Variants in HEXD observed in about 807,000 individuals in gnomAD.
HEXD encodes N-acetyl-beta-galactosaminidase.
Under a neutral mutation model 54.2 loss-of-function variants are expected in HEXD, and 47 were observed. That is an observed-to-expected ratio of 0.87 (90% CI 0.69 to 1.11). The LOEUF (loss-of-function observed/expected upper bound fraction) is 1.11, where lower values mean the gene tolerates loss of function less well. HEXD is among the 50% of genes least tolerant of loss of function. The pLI is 0.00. For missense variants in HEXD, 576 were observed against 649.2 expected, an observed-to-expected ratio of 0.89 and a Z score of 1.23; for synonymous variants, 293 against 287.6, an observed-to-expected ratio of 1.02 and a Z score of -0.19.
Position 82,442,398 on chromosome 17 carries a change from G to A in HEXD, c.*14G>A, listed in dbSNP as rs1355960602. 1.9e-6 allele frequency: 3 copies of A among 1,609,228 alleles called. No homozygotes were observed. Among genetic ancestry groups the A allele is most frequent in the African/African-American group, 2.7e-5 (2 of 74,856 alleles). On this transcript the variant is annotated 3_prime_UTR_variant, in exon 13 of 13. Coordinates refer to ENST00000327949, the MANE Select transcript of HEXD (RefSeq NM_001330542.2). This position sits in a 1 kb window ranked among gnomAD's most constrained non-coding sequence, Gnocchi z 6.8. ...CAGGACCCCTGAGGGGAGAGCTCAT[G>A]CCAGGGGGCTCCTGCTGGAGGCTGG...
Position 82,427,526 on chromosome 17 carries a change from CA to C in HEXD, c.195-1031del, listed in dbSNP as rs529166168. 1.7e-4 allele frequency among the ~76,000 whole-genome samples: 26 copies of C among 152,116 alleles called. No individual in the cohort carries two copies. The South Asian group carries it at 5.4e-3, about 32-fold the overall frequency. The stretch of plus-strand genomic sequence containing the variant: ...GGGTGTTGGCCTGCAATGAGATAAT[CA>C]GGTGCGATGAGATGATCAGGTGCGA... On this transcript the variant is annotated intron_variant, in intron 3 of 12. Coordinates refer to ENST00000327949, the MANE Select transcript of HEXD (RefSeq NM_001330542.2).
chr17:82,439,665 C>A lies in HEXD; in HGVS notation c.934C>A (p.Pro312Thr). 1 of 1,595,786 alleles carries A rather than the reference C, an allele frequency of 6.3e-7. No individual in the cohort carries two copies. Reference protein sequence around the residue: ...DHYSVLCELLPAGVPSLAACL... With the variant: ...DHYSVLCELLTAGVPSLAACL... ...CTACTCTGTGCTGTGCGAGCTGCTGCCCGCAGGAGTCCCGTCCCTGGCCGC... is the reference window on the plus strand; with the variant it reads ...CTACTCTGTGCTGTGCGAGCTGCTGACCGCAGGAGTCCCGTCCCTGGCCGC... The change falls in exon 9 of 13, where the codon CCC becomes ACC. Residue 312 changes from proline (P) to threonine (T), a missense_variant. Coordinates refer to ENST00000327949, the MANE Select transcript of HEXD (RefSeq NM_001330542.2).
Position 82,438,600 on chromosome 17 carries a change from C to T in HEXD, c.900-1031C>T, listed in dbSNP as rs1028493286. ...CCGGCCAAGTCCTGACCTTGGGTCTCGTCTCAAGTTAGAGGGTTGGGGGGC... is the reference window on the plus strand; with the variant it reads ...CCGGCCAAGTCCTGACCTTGGGTCTTGTCTCAAGTTAGAGGGTTGGGGGGC... On this transcript the variant is annotated intron_variant, in intron 8 of 12. Coordinates refer to ENST00000327949, the MANE Select transcript of HEXD (RefSeq NM_001330542.2). 2.0e-5 allele frequency among the ~76,000 whole-genome samples: 3 copies of T among 152,262 alleles called. 1 individual carries two copies. Among genetic ancestry groups the T allele is most frequent in the South Asian group, 4.1e-4 (2 of 4,834 alleles).
chr17:82,421,630 A>G (rs2143376242), intron 2 of HEXD, among the ~76,000 whole-genome samples: 1 of 151,888 alleles, frequency 6.6e-6, no homozygotes, highest in South Asian at 2.1e-4. Context: ...GCTTGTGACC[A>G]GCCTGGGCAA....
At chr17:82,421,661 A>G (rs146297990) in intron 2 of HEXD, among the ~76,000 whole-genome samples, 76 of 152,136 alleles carry the variant, frequency 5.0e-4, no homozygotes, top group African/African-American at 1.7e-3. Flanking sequence ...CCCCGTCTCT[A>G]CTAAGAATAC....
chr17:82,431,295 C>CCTATA (rs2053569428), intron 4 of HEXD, among the ~76,000 whole-genome samples: 2 of 152,216 alleles, frequency 1.3e-5, no homozygotes, highest in South Asian at 4.2e-4. Flanking sequence ...TGAGCCATTG[C>CCTATA]ACCTGGCCCC....
In HEXD at chr17:82,441,028, G is replaced by C; in HGVS notation, c.1014G>C (p.Val338=). The C allele has an allele frequency of 6.2e-7, 1 of 1,613,646 alleles. No homozygotes were observed. Among genetic ancestry groups the C allele is most frequent in the Non-Finnish European group, 8.5e-7 (1 of 1,180,010 alleles). ...GGFDEDVKAK[V]ENLLGISSLE... Reference sequence around the variant, plus strand: ...TTGATGAAGATGTTAAAGCGAAAGTGGAGAACCTTCTCGGGATTTCCAGCC... The same window carrying C: ...TTGATGAAGATGTTAAAGCGAAAGTCGAGAACCTTCTCGGGATTTCCAGCC... The change falls in exon 10 of 13, where the codon GTG becomes GTC. Residue 338 remains valine, a synonymous_variant. Transcript: ENST00000327949.
chr17:82,442,525 C>G lies in HEXD; in HGVS notation c.*141C>G. On this transcript the variant is annotated 3_prime_UTR_variant, in exon 13 of 13. Coordinates refer to ENST00000327949, the MANE Select transcript of HEXD (RefSeq NM_001330542.2). The surrounding 1 kb of genome is among the most constrained non-coding windows in gnomAD (Gnocchi z 6.8). ...TGCCCACACTCAGTTCCTGAGGGCCCTGGGCAGCCCCTGGGGGAGAGACTA... is the reference window on the plus strand; with the variant it reads ...TGCCCACACTCAGTTCCTGAGGGCCGTGGGCAGCCCCTGGGGGAGAGACTA... 1 of 1,591,462 alleles carries G rather than the reference C, an allele frequency of 6.3e-7. No homozygotes were observed. Among genetic ancestry groups the G allele is most frequent in the Non-Finnish European group, 8.6e-7 (1 of 1,161,568 alleles).
At chr17:82,440,937 T>C (rs1416762735) in intron 9 of HEXD, 60 bp from the exon 10 acceptor site, 4 of 1,580,872 alleles carry the variant, frequency 2.5e-6, no homozygotes, top group Admixed American at 1.7e-5. Flanking sequence ...CAGGTCCCAA[T>C]GTAGCCCCCT....
chr17:82,441,359 G>GGGTGAGGGGCAGGTGCA lies in HEXD; in HGVS notation c.1163+100_1163+116dup, dbSNP rs1176158165. On this transcript the variant is annotated intron_variant, in intron 11 of 12. Coordinates refer to ENST00000327949, the MANE Select transcript of HEXD (RefSeq NM_001330542.2). ...GCAGGTGTGGGTGGGAGGCAGGTGCGGGTGAGGGGCAGGTGCAGGTGAGCG... is the reference window on the plus strand; with the variant it reads ...GCAGGTGTGGGTGGGAGGCAGGTGCGGGTGAGGGGCAGGTGCAGGTGAGGGGCAGGTGCAGGTGAGCG... 3.8e-5 allele frequency: 53 copies of GGGTGAGGGGCAGGTGCA among 1,381,060 alleles called. No individual in the cohort carries two copies. The African/African-American group carries it at 7.0e-4, about 18-fold the overall frequency. The allele number at this position is 1,381,060 out of a possible 1,614,324, so 85.6% of individuals were successfully genotyped here. A position where few individuals can be genotyped will look rare whatever the true frequency, so the allele number is the denominator to read the frequency against.
chr17:82,432,787 GGT>G (rs1268846423), intron 4 of HEXD, among the ~76,000 whole-genome samples: 27 of 151,910 alleles, frequency 1.8e-4, no homozygotes, highest in South Asian at 4.2e-4. Context: ...TTTATGGCTG[GGT>G]GCAGTGGCTC....
At chr17:82,431,304 C>T (rs1376791802) in intron 4 of HEXD, among the ~76,000 whole-genome samples, 1 of 151,976 alleles carries the variant, frequency 6.6e-6, no homozygotes, top group Non-Finnish European at 1.5e-5. Context: ...GCACCTGGCC[C>T]CATTTTGAGT....
chr17:82,433,120 ATATATATATTTTTTTTTTTTTTT>A lies in HEXD; in HGVS notation c.283-528_283-506del, dbSNP rs1274777299. ...TATATATATATATATATATATATATATATATATATTTTTTTTTTTTTTTTATATATATATTTTTAGTCTGGGCG... is the reference window on the plus strand; with the variant it reads ...TATATATATATATATATATATATATATATATATATATTTTTAGTCTGGGCG... On this transcript the variant is annotated intron_variant, in intron 4 of 12. Coordinates refer to ENST00000327949, the MANE Select transcript of HEXD (RefSeq NM_001330542.2). Among the ~76,000 whole-genome samples the A allele has an allele frequency of 4.1e-3, 74 of 18,180 alleles. 1 individual carries two copies. The highest frequency in any genetic ancestry group is 0.012 in the South Asian group (6 of 514). 11.9% of individuals were successfully genotyped at this position (18,180 alleles called of 152,430 possible).
At chr17:82,424,370 A>G in intron 2 of HEXD, 24 bp from the exon 3 acceptor site, 2 of 1,541,992 alleles carry the variant, frequency 1.3e-6, no homozygotes, top group Non-Finnish European at 9.0e-7. Context: ...ACTTCTTCCT[A>G]ACCCCTCCCT....
At chr17:82,428,736 C>A in intron 4 of HEXD, 91 bp downstream of exon 4, 2 of 1,087,670 alleles carry the variant, frequency 1.8e-6, no homozygotes, top group Non-Finnish European at 2.8e-6. Flanking sequence ...GTGGGTGCAG[C>A]GGGCCCATGG....
intron 4 of HEXD, among the ~76,000 whole-genome samples, chr17:82,430,041 C>CTGA (rs1225836850): frequency 1.3e-5 from 2 of 152,162 alleles, no homozygotes; most frequent in Non-Finnish European, 2.9e-5. Flanking sequence ...CATGTTGGTC[C>CTGA]TGCTGCTGCT....
chr17:82,421,240 G>A (rs1274288942), intron 2 of HEXD, among the ~76,000 whole-genome samples: 1 of 151,898 alleles, frequency 6.6e-6, no homozygotes, highest in Non-Finnish European at 1.5e-5. Context: ...CATCCAGGAG[G>A]GTGCAGGGGA....
intron 4 of HEXD, among the ~76,000 whole-genome samples, chr17:82,433,092 ATATATATATAT>A (rs1357128421): frequency 0.012 from 122 of 10,340 alleles, 17 homozygotes; most frequent in Admixed American, 0.017. Flanking sequence ...AAAAAAAAAA[ATATATATATAT>A]ATATATATAT....
chr17:82,432,094 G>A (rs2053590774), intron 4 of HEXD, among the ~76,000 whole-genome samples: 1 of 152,170 alleles, frequency 6.6e-6, no homozygotes, highest in South Asian at 2.1e-4. Flanking sequence ...GTCAGCCAAG[G>A]GTTTGGGCAG....
Sources: gnomAD v4.1 joint callset for allele counts (sites outside exome capture counted in the v4.1 genomes callset) on GRCh38, gnomAD v4.1.1 for gene constraint, Gnocchi (gnomAD v3.1) non-coding constraint, MANE v1.5 for transcripts, NCBI Gene and HGNC (gene_info 2026-07-23, HGNC 2026-07-21) for gene names.